The following DSCAM variants were observed in gnomAD, a reference collection of about 807,000 sequenced individuals.
DSCAM encodes DS cell adhesion molecule.
A neutral mutation model predicts 217.7 loss-of-function variants in DSCAM; 47 were observed. The observed-to-expected ratio is 0.22, with a 90% CI of 0.17 to 0.28. DSCAM has a LOEUF of 0.28. Among genes scored for constraint, DSCAM ranks in the 10% least tolerant of loss-of-function variants. DSCAM has a pLI of 1.00. For missense variants in DSCAM, 2,080 were observed against 2,618.3 expected, an observed-to-expected ratio of 0.79 and a Z score of 4.49; for synonymous variants, 1,056 against 1,015.3, an observed-to-expected ratio of 1.04 and a Z score of -0.76.
intron 3 of DSCAM, among the ~76,000 whole-genome samples, chr21:40,562,532 T>C (rs1053024568): frequency 1.8e-4 from 27 of 152,258 alleles, no homozygotes; most frequent in African/African-American, 6.5e-4. Flanking sequence ...TCATGTTTAC[T>C]GTGTAATTTC....
chr21:40,473,796 C>G (rs2075909721), intron 3 of DSCAM, among the ~76,000 whole-genome samples: 1 of 152,078 alleles, frequency 6.6e-6, no homozygotes, highest in South Asian at 2.1e-4. Flanking sequence ...GAAGTGAGAA[C>G]ACAGACACAC....
intron 3 of DSCAM, among the ~76,000 whole-genome samples, chr21:40,430,693 G>T (rs746025931): frequency 1.3e-5 from 2 of 152,176 alleles, no homozygotes; most frequent in Non-Finnish European, 2.9e-5. Context: ...AGTGAAGAGT[G>T]GTTTTCAGGG....
chr21:40,163,834 C>A (rs1472825874), intron 16 of DSCAM, among the ~76,000 whole-genome samples: 1 of 152,162 alleles, frequency 6.6e-6, no homozygotes, highest in Non-Finnish European at 1.5e-5. Context: ...TTCACTGTAT[C>A]ATGAGTTAGA....
chr21:40,814,794 G>A (rs2091866968), intron 1 of DSCAM, among the ~76,000 whole-genome samples: 1 of 152,184 alleles, frequency 6.6e-6, no homozygotes, highest in South Asian at 2.1e-4. Flanking sequence ...CCAGTTAACA[G>A]GAGGAAGAGC....
intron 14 of DSCAM, among the ~76,000 whole-genome samples, chr21:40,182,706 GGTT>G (rs2090835057): frequency 8.1e-6 from 1 of 123,182 alleles, no homozygotes. Flanking sequence ...GACGGGGGGG[GGTT>G]ACCAGAGAAA....
At chr21:40,217,159 A>C (rs1044857034) in intron 11 of DSCAM, among the ~76,000 whole-genome samples, 1 of 152,314 alleles carries the variant, frequency 6.6e-6, no homozygotes, top group South Asian at 2.1e-4. Flanking sequence ...AAGACTATGT[A>C]TATATCTTAT....
At chr21:40,433,591 G>A (rs944707913) in intron 3 of DSCAM, among the ~76,000 whole-genome samples, 2 of 152,202 alleles carry the variant, frequency 1.3e-5, no homozygotes, top group Non-Finnish European at 2.9e-5. Context: ...GGATGGCAGA[G>A]GTAGGATTTA....
intron 20 of DSCAM, among the ~76,000 whole-genome samples, chr21:40,097,954 A>AAAAAGAAAGAAAGAAAG (rs1555877400): frequency 1.9e-5 from 1 of 51,516 alleles, no homozygotes; most frequent in Non-Finnish European, 3.6e-5. Flanking sequence ...AAAAAAAAAA[A>AAAAAGAAAGAAAGAAAG]AAAGAAAGAA....
intron 3 of DSCAM, among the ~76,000 whole-genome samples, chr21:40,469,900 A>G (rs1002481952): frequency 3.3e-5 from 5 of 152,238 alleles, no homozygotes; most frequent in Non-Finnish European, 5.9e-5. Flanking sequence ...TATGTAGTCC[A>G]TGGAAAAGTG....
At chr21:40,723,856 T>C (rs79381270) in intron 1 of DSCAM, among the ~76,000 whole-genome samples, 2,066 of 152,314 alleles carry the variant, frequency 0.014, 26 homozygotes, top group South Asian at 0.027. Flanking sequence ...GAATGTTCTT[T>C]TTATCCAATA....
intron 14 of DSCAM, among the ~76,000 whole-genome samples, chr21:40,180,108 CT>C (rs2090783082): frequency 1.3e-5 from 2 of 152,240 alleles, no homozygotes; most frequent in Non-Finnish European, 2.9e-5. Flanking sequence ...TCTTTTATCC[CT>C]AGTGCTAGCA....
At chr21:40,707,693 T>C (rs1185051617) in intron 2 of DSCAM, among the ~76,000 whole-genome samples, 1 of 152,236 alleles carries the variant, frequency 6.6e-6, no homozygotes, top group African/African-American at 2.4e-5. Flanking sequence ...ATTTCAGAGC[T>C]AGACTTAAAA....
At chr21:40,106,137 G>A (rs1035418593) in intron 20 of DSCAM, among the ~76,000 whole-genome samples, 7 of 152,206 alleles carry the variant, frequency 4.6e-5, no homozygotes, top group Non-Finnish European at 8.8e-5. Flanking sequence ...CATGGTGGCA[G>A]ACAAGAGAGG....
chr21:40,843,619 A>T (rs1329614924), intron 1 of DSCAM, among the ~76,000 whole-genome samples: 1 of 152,096 alleles, frequency 6.6e-6, no homozygotes, highest in Non-Finnish European at 1.5e-5. Context: ...TGTGTGGGTG[A>T]GTGTCTGCAC....
At chr21:40,264,754 A>C (rs2073500109) in intron 11 of DSCAM, among the ~76,000 whole-genome samples, 1 of 152,208 alleles carries the variant, frequency 6.6e-6, no homozygotes, top group Non-Finnish European at 1.5e-5. Flanking sequence ...GGAAAAAAGG[A>C]AGTAAAACTA....
intron 3 of DSCAM, among the ~76,000 whole-genome samples, chr21:40,467,947 A>AAAC (rs796957988): frequency 1.9e-3 from 282 of 151,434 alleles, no homozygotes; most frequent in African/African-American, 6.4e-3. Context: ...AAAAAAAAAA[A>AAAC]AAAACTACAT....
intron 3 of DSCAM, among the ~76,000 whole-genome samples, chr21:40,408,719 G>A (rs1053736427): frequency 2.0e-5 from 3 of 152,160 alleles, no homozygotes; most frequent in African/African-American, 4.8e-5. Context: ...ATTCCTACAG[G>A]AGGGATGATG....
intron 3 of DSCAM, among the ~76,000 whole-genome samples, chr21:40,553,841 G>A (rs181371509): frequency 6.6e-6 from 1 of 152,042 alleles, no homozygotes; most frequent in African/African-American, 2.4e-5. Flanking sequence ...AAAAATAAAA[G>A]GTTCATGAAA....
rs1555911108 is a variant in DSCAM at position 40,376,589 on chromosome 21, T to TAGATATCTATATCTATATATCTTATATAG, written c.509-7345_509-7344insCTATATAAGATATATAGATATAGATATCT. 2.8e-4 allele frequency among the ~76,000 whole-genome samples: 4 copies of TAGATATCTATATCTATATATCTTATATAG among 14,070 alleles called. 1 individual carries two copies. The highest frequency in any genetic ancestry group is 8.3e-4 in the African/African-American group (3 of 3,608). 9.2% of individuals were successfully genotyped at this position (14,070 alleles called of 152,430 possible). On this transcript the variant is annotated intron_variant, in intron 3 of 32. Transcript: ENST00000400454. ...ATCTTATATCGATATCTATATATCT[T>TAGATATCTATATCTATATATCTTATATAG]ATATCGATATCTATATATCTTATAT...
Sources: gnomAD v4.1 joint callset for allele counts (sites outside exome capture counted in the v4.1 genomes callset) on GRCh38, gnomAD v4.1.1 for gene constraint, MANE v1.5 for transcripts, NCBI Gene and HGNC (gene_info 2026-07-23, HGNC 2026-07-21) for gene names.